Variants in LRGUK observed in about 807,000 individuals in gnomAD.
The protein encoded by LRGUK is leucine rich repeats and guanylate kinase domain containing.
A neutral mutation model predicts 76.0 loss-of-function variants in LRGUK; 65 were observed. The ratio of observed to expected loss-of-function variants is 0.85; its 90% CI spans 0.70 to 1.05. LRGUK has a LOEUF of 1.05. LRGUK is among the 50% of genes least tolerant of loss of function. The pLI is 0.00. For synonymous variants in LRGUK, 268 were observed against 265.6 expected (o/e 1.01, Z -0.09); for missense variants, 758 against 732.8 (o/e 1.03, Z -0.40).
intron 15 of LRGUK, among the ~76,000 whole-genome samples, chr7:134,219,971 T>C (rs1801542580): frequency 6.6e-6 from 1 of 152,162 alleles, no homozygotes; most frequent in Admixed American, 6.5e-5. Context: ...CACTTGTCGT[T>C]ACTTGATATT....
At chr7:134,241,407 A>C (rs1369667624) in intron 16 of LRGUK, among the ~76,000 whole-genome samples, 1 of 152,218 alleles carries the variant, frequency 6.6e-6, no homozygotes, top group East Asian at 1.9e-4. Flanking sequence ...TTGCAATCCT[A>C]GTCTCTGATA....
At chr7:134,276,513 T>C in the LRGUK span, among the ~76,000 whole-genome samples, 556 of 152,158 alleles carry the variant, frequency 3.7e-3, 2 homozygotes, top group African/African-American at 0.013. Context: ...TGGGGACATA[T>C]CATGAATCAG....
At chr7:134,191,851 T>C in intron 12 of LRGUK, 100 bp downstream of exon 12, 2 of 861,246 alleles carry the variant, frequency 2.3e-6, no homozygotes, top group Non-Finnish European at 3.5e-6. Context: ...GAATTAAATT[T>C]TGTGCTTGTT....
intron 17 of LRGUK, among the ~76,000 whole-genome samples, chr7:134,248,430 G>C (rs1465071480): frequency 6.6e-6 from 1 of 152,194 alleles, no homozygotes; most frequent in East Asian, 1.9e-4. Context: ...ACGAAAAATG[G>C]CTAATGATTC....
intron 10 of LRGUK, among the ~76,000 whole-genome samples, chr7:134,180,254 AG>A (rs1182114326): frequency 1.3e-5 from 2 of 151,848 alleles, no homozygotes; most frequent in Non-Finnish European, 2.9e-5. Context: ...TTTAGTGGAA[AG>A]AGCTAAGAAT....
Position 134,199,353 on chromosome 7 carries a change from C to T in LRGUK, c.1679C>T (p.Ser560Phe), listed in dbSNP as rs759522898. 3 of 1,613,736 alleles carry T rather than the reference C, an allele frequency of 1.9e-6. No individual in the cohort carries two copies. In the South Asian group the frequency reaches 3.3e-5, roughly 18 times the overall value. ...CGTGCAGAAATTGAATTTGCTGTCT[C>T]CAGAGTGGACCTTTATATTAAAATT... The change falls in exon 14 of 16, where the codon TCC (serine) becomes TTC (phenylalanine). Residue 560 changes from serine to phenylalanine, a missense_variant. Coordinates refer to ENST00000645682, the Ensembl canonical transcript of LRGUK.
chr7:134,191,039 C>A (rs746080735), intron 11 of LRGUK, among the ~76,000 whole-genome samples: 2 of 114,320 alleles, frequency 1.7e-5, no homozygotes, highest in Non-Finnish European at 4.0e-5. Context: ...CCATGGATTG[C>A]CACAGGAGGT....
chr7:134,274,564 G>A, the LRGUK span, among the ~76,000 whole-genome samples: 1 of 151,844 alleles, frequency 6.6e-6, no homozygotes, highest in South Asian at 2.1e-4. Context: ...TAGATGGTGT[G>A]GGATTTTAGT....
intron 6 of LRGUK, among the ~76,000 whole-genome samples, chr7:134,161,215 T>G (rs959448768): frequency 6.6e-6 from 1 of 152,212 alleles, no homozygotes; most frequent in African/African-American, 2.4e-5. Flanking sequence ...GAAAGAAATA[T>G]ATTGTATATA....
chr7:134,209,898 G>A, exon 16 of LRGUK: 1 of 399,318 alleles, frequency 2.5e-6, no homozygotes, highest in Non-Finnish European at 4.4e-6. Context: ...CAGAAAGTGA[G>A]GCTCCCTCGC....
At chr7:134,258,607 G>A (rs1802644121) in intron 19 of LRGUK, among the ~76,000 whole-genome samples, 1 of 151,720 alleles carries the variant, frequency 6.6e-6, no homozygotes, top group Non-Finnish European at 1.5e-5. Flanking sequence ...GCTGAGGCAA[G>A]AGAATTGCTT....
chr7:134,276,590 G>A, the LRGUK span, among the ~76,000 whole-genome samples: 1 of 151,796 alleles, frequency 6.6e-6, no homozygotes, highest in Non-Finnish European at 1.5e-5. Flanking sequence ...TCTTGGAAGA[G>A]AATTAATAAT....
At chr7:134,248,100 A>T (rs1313316077) in intron 17 of LRGUK, among the ~76,000 whole-genome samples, 3 of 152,188 alleles carry the variant, frequency 2.0e-5, no homozygotes, top group Non-Finnish European at 2.9e-5. Context: ...TCATGTTGGT[A>T]GGCTATCTTT....
chr7:134,148,745 C>T (rs1798082043), intron 5 of LRGUK, among the ~76,000 whole-genome samples: 2 of 151,826 alleles, frequency 1.3e-5, no homozygotes, highest in South Asian at 2.1e-4. Context: ...GCCAACATGG[C>T]GGAAACCCTG....
chr7:134,151,067 C>T lies in LRGUK; in HGVS notation c.670+2748C>T, dbSNP rs906880265. 3.3e-5 allele frequency among the ~76,000 whole-genome samples: 5 copies of T among 152,220 alleles called. No homozygotes were observed. The East Asian group carries it at 9.7e-4, about 29-fold the overall frequency. On this transcript the variant is annotated intron_variant, in intron 5 of 15. Coordinates refer to ENST00000645682, the Ensembl canonical transcript of LRGUK. ...AGATAGTAGGCTAGTTTTGAAACAG[C>T]ATGAAATATACTTCTTTCTCTCCTG...
chr7:134,183,617 G>T (rs1010368226), intron 10 of LRGUK, 117 bp from the exon 11 acceptor site: 4 of 1,040,926 alleles, frequency 3.8e-6, no homozygotes, highest in African/African-American at 3.2e-5. Context: ...ATTCTTCTAC[G>T]CAGGGTCTTA....
At chr7:134,226,918 A>G (rs184867173) in intron 16 of LRGUK, among the ~76,000 whole-genome samples, 8 of 152,300 alleles carry the variant, frequency 5.3e-5, no homozygotes, top group Non-Finnish European at 1.5e-5. Context: ...GGCGATCATC[A>G]GCATCCCTGT....
At chr7:134,205,646 TTGTC>T (rs1176789199) in intron 15 of LRGUK, among the ~76,000 whole-genome samples, 16 of 152,228 alleles carry the variant, frequency 1.1e-4, no homozygotes, top group African/African-American at 3.4e-4. Flanking sequence ...AAAGACAGCT[TTGTC>T]TGCGCAATTA....
intron 14 of LRGUK, among the ~76,000 whole-genome samples, chr7:134,200,307 G>A (rs1342603596): frequency 1.3e-5 from 2 of 151,716 alleles, no homozygotes; most frequent in African/African-American, 2.4e-5. Flanking sequence ...AAAGTGCTGG[G>A]ATTACAGGCG....
Sources: allele counts gnomAD v4.1 joint callset (sites outside exome capture counted in the v4.1 genomes callset), GRCh38; gene constraint gnomAD v4.1.1; transcripts MANE v1.5; gene names NCBI Gene and HGNC (gene_info 2026-07-23, HGNC 2026-07-21).